The following UBR3 variants were observed in gnomAD, a reference collection of about 807,000 sequenced individuals.
The protein encoded by UBR3 is E3 ubiquitin-protein ligase UBR3.
Under a neutral mutation model 243.2 loss-of-function variants are expected in UBR3, and 85 were observed. That is an observed-to-expected ratio of 0.35 (90% CI 0.29 to 0.42). The LOEUF is 0.42. UBR3 is among the 10% of genes least tolerant of loss of function. The pLI is 1.00. For synonymous variants in UBR3, 748 were observed against 799.8 expected (o/e 0.94, Z 1.09); for missense variants, 1,686 against 2,300.8 (o/e 0.73, Z 5.47).
intron 38 of UBR3, 68 bp downstream of exon 38, chr2:170,080,752 C>G: frequency 1.3e-6 from 2 of 1,482,054 alleles, no homozygotes; most frequent in Non-Finnish European, 1.8e-6. Context: ...ATATGCTATT[C>G]CTGGCTTTGT....
chr2:170,036,192 C>T (rs1044074405), intron 31 of UBR3, among the ~76,000 whole-genome samples: 10 of 152,032 alleles, frequency 6.6e-5, no homozygotes, highest in African/African-American at 2.2e-4. Flanking sequence ...TTAGCTAGTA[C>T]TTCCAGTATG....
intron 8 of UBR3, among the ~76,000 whole-genome samples, chr2:169,900,168 G>C (rs2084762565): frequency 6.6e-6 from 1 of 152,160 alleles, no homozygotes; most frequent in Admixed American, 6.5e-5. Context: ...GTGGTTTCCT[G>C]ACTTTTTAAT....
At chr2:169,938,817 G>A (rs2086450411) in intron 19 of UBR3, among the ~76,000 whole-genome samples, 1 of 151,898 alleles carries the variant, frequency 6.6e-6, no homozygotes, top group East Asian at 1.9e-4. Flanking sequence ...TTCTCTGGTC[G>A]ATTTTGAGTT....
chr2:169,876,371 C>T (rs572268343), intron 3 of UBR3, among the ~76,000 whole-genome samples: 221 of 152,238 alleles, frequency 1.5e-3, no homozygotes, highest in Non-Finnish European at 2.5e-3. Flanking sequence ...TGAGCCACTG[C>T]GCCTGGCAAG....
intron 32 of UBR3, among the ~76,000 whole-genome samples, chr2:170,046,484 C>T (rs2091091123): frequency 6.6e-6 from 1 of 152,130 alleles, no homozygotes; most frequent in Non-Finnish European, 1.5e-5. Context: ...CATATAATAA[C>T]ATGATCTTCT....
At chr2:169,883,014 TAAACC>T (rs2083952480) in intron 5 of UBR3, among the ~76,000 whole-genome samples, 2 of 152,302 alleles carry the variant, frequency 1.3e-5, no homozygotes, top group African/African-American at 4.8e-5. Context: ...ATAAAGTGGA[TAAACC>T]ATGATTGTCA....
At chr2:169,969,816 T>C (rs181285330) in intron 24 of UBR3, among the ~76,000 whole-genome samples, 19 of 133,096 alleles carry the variant, frequency 1.4e-4, no homozygotes, top group South Asian at 7.0e-4. Flanking sequence ...CCCAAAGTGC[T>C]GGGATTACAG....
At chr2:169,839,763 CAAGT>C (rs2082232539) in intron 1 of UBR3, among the ~76,000 whole-genome samples, 2 of 152,134 alleles carry the variant, frequency 1.3e-5, no homozygotes, top group African/African-American at 2.4e-5. Flanking sequence ...TGACAGATCA[CAAGT>C]AAGTGTAAAA....
chr2:170,009,380 A>G (rs1208772582), intron 29 of UBR3, among the ~76,000 whole-genome samples: 1 of 152,144 alleles, frequency 6.6e-6, no homozygotes. Flanking sequence ...AACCTAAAAG[A>G]CAGGAGTTTA....
chr2:169,977,424 C>T (rs945395918), intron 24 of UBR3, among the ~76,000 whole-genome samples: 7 of 152,144 alleles, frequency 4.6e-5, no homozygotes, highest in African/African-American at 1.7e-4. Context: ...TACCATGGTT[C>T]ATTCCAAGTC....
intron 20 of UBR3, among the ~76,000 whole-genome samples, chr2:169,943,190 C>T (rs993557679): frequency 1.2e-4 from 18 of 152,082 alleles, no homozygotes; most frequent in South Asian, 2.1e-4. Flanking sequence ...GATCTTCTCA[C>T]GTAAGACAGA....
chr2:169,949,320 T>A (rs1209700610), intron 22 of UBR3, among the ~76,000 whole-genome samples: 1 of 152,120 alleles, frequency 6.6e-6, no homozygotes, highest in Non-Finnish European at 1.5e-5. Flanking sequence ...TATGATTCTC[T>A]TTAATATGGC....
intron 36 of UBR3, among the ~76,000 whole-genome samples, chr2:170,074,073 G>A (rs1437652943): frequency 6.6e-6 from 1 of 152,196 alleles, no homozygotes; most frequent in African/African-American, 2.4e-5. Flanking sequence ...ACAGCAGTGA[G>A]TGGCTGTGTA....
At chr2:170,035,851 A>G (rs2090811813) in intron 31 of UBR3, among the ~76,000 whole-genome samples, 1 of 125,808 alleles carries the variant, frequency 7.9e-6, no homozygotes, top group Non-Finnish European at 1.6e-5. Flanking sequence ...GAGTTTTGTC[A>G]TTTTCCTTAA....
intron 32 of UBR3, among the ~76,000 whole-genome samples, chr2:170,044,855 A>G (rs561791550): frequency 5.9e-5 from 9 of 152,242 alleles, no homozygotes; most frequent in Admixed American, 3.9e-4. Context: ...TAAGAGAGGA[A>G]CTTCACCTTC....
chr2:169,872,288 A>G lies in UBR3; in HGVS notation c.598A>G (p.Lys200Glu). 6.5e-7 allele frequency: 1 copy of G among 1,539,618 alleles called. No individual in the cohort carries two copies. The highest frequency in any genetic ancestry group is 8.8e-7 in the Non-Finnish European group (1 of 1,140,094). ...KSSSNIPCVP[K>E]DLLMMSEFVL... The stretch of plus-strand genomic sequence containing the variant: ...AAGTTCAAATATTCCCTGTGTCCCT[A>G]AAGACTTACTGATGATGTCTGAATT... The change falls in exon 2 of 39, where the codon AAA becomes GAA. Residue 200 changes from lysine to glutamate, a missense_variant. Around this residue, in one of 8 missense-constraint regions of UBR3, gnomAD observed 145 missense variants for 243.8 expected, o/e 0.59. Coordinates refer to ENST00000272793, the MANE Select transcript of UBR3 (RefSeq NM_172070.4).
At chr2:169,934,526 G>A (rs1345603528) in intron 19 of UBR3, among the ~76,000 whole-genome samples, 3 of 152,122 alleles carry the variant, frequency 2.0e-5, no homozygotes, top group African/African-American at 7.2e-5. Flanking sequence ...ATGAGCCACC[G>A]TGCCTGGCCG....
At chr2:169,973,427 T>C (rs943085858) in intron 24 of UBR3, among the ~76,000 whole-genome samples, 6 of 150,638 alleles carry the variant, frequency 4.0e-5, no homozygotes, top group African/African-American at 9.8e-5. Flanking sequence ...TTAAAGTTCA[T>C]ATGGAACCAA....
chr2:169,836,025 CTCTCTCTCTCTCTCTCTCTATATA>C (rs1233920344), intron 1 of UBR3, among the ~76,000 whole-genome samples: 457 of 30,606 alleles, frequency 0.015, 11 homozygotes, highest in Non-Finnish European at 0.023. Context: ...CTCTCTCTCT[CTCTCTCTCTCTCTCTCTCTATATA>C]TATATATATA....
Sources: allele counts gnomAD v4.1 joint callset (sites outside exome capture counted in the v4.1 genomes callset), GRCh38; gene constraint gnomAD v4.1.1; regional missense constraint gnomAD v4.1.1; transcripts MANE v1.5; gene names NCBI Gene and HGNC (gene_info 2026-07-23, HGNC 2026-07-21).